The following GLG1 variants were observed in gnomAD, a reference collection of about 807,000 sequenced individuals.
The protein encoded by GLG1 is golgi glycoprotein 1, also known as Golgi apparatus protein 1.
Under a neutral mutation model 160.5 loss-of-function variants are expected in GLG1, and 38 were observed. The observed-to-expected ratio is 0.24, with a 90% CI of 0.18 to 0.31. The LOEUF (loss-of-function observed/expected upper bound fraction) is 0.31, where lower values mean the gene tolerates loss of function less well. GLG1 is among the 10% of genes least tolerant of loss of function. GLG1 has a pLI of 1.00. For missense variants in GLG1, 1,373 were observed against 1,505.2 expected (o/e 0.91, Z 1.45); for synonymous variants, 644 against 543.4 (o/e 1.19, Z -2.57).
At chr16:74,570,666 C>A (rs1315307920) in intron 1 of GLG1, among the ~76,000 whole-genome samples, 1 of 152,100 alleles carries the variant, frequency 6.6e-6, no homozygotes, top group Non-Finnish European at 1.5e-5. Flanking sequence ...GACGCCAGGG[C>A]AGGAGCATCA....
chr16:74,515,469 A>C (rs2016949018), intron 2 of GLG1, among the ~76,000 whole-genome samples: 1 of 152,212 alleles, frequency 6.6e-6, no homozygotes, highest in African/African-American at 2.4e-5. Context: ...GTGCAATCAA[A>C]GTAGAACTCA....
intron 1 of GLG1, among the ~76,000 whole-genome samples, chr16:74,583,600 G>C (rs1309255515): frequency 2.0e-5 from 3 of 152,088 alleles, no homozygotes; most frequent in African/African-American, 7.2e-5. Context: ...GGCTGGTCTT[G>C]AACTCCTGAC....
At chr16:74,574,620 C>T (rs975804647) in intron 1 of GLG1, among the ~76,000 whole-genome samples, 2 of 151,880 alleles carry the variant, frequency 1.3e-5, no homozygotes. Context: ...CAGTGGCTCA[C>T]GCCTGTAACC....
At position 74,494,771 on chromosome 16, in the gene GLG1, T is replaced by G; in HGVS notation, c.1039A>C (p.Met347Leu). ...AAAATAATACTTACCTTTTCACTCA[T>G]GGATTCTTCAAATTTATGGTTAAAG... ...CLFNHKFEES[M>L]SEKCREALTT... Residue 347 changes from methionine (M) to leucine (L), a missense_variant, in exon 6 of 26, where the codon ATG (methionine) becomes CTG (leucine). This residue lies in a region of GLG1 where 174 missense variants were observed against 229.9 expected (regional missense o/e 0.76). Coordinates refer to ENST00000422840, the MANE Select transcript of GLG1 (RefSeq NM_001145667.2). 7.1e-7 allele frequency: 1 copy of G among 1,409,832 alleles called. No individual in the cohort carries two copies. The highest frequency in any genetic ancestry group is 1.0e-6 in the Non-Finnish European group (1 of 994,338). The allele number at this position is 1,409,832 out of a possible 1,614,324, so 87.3% of individuals were successfully genotyped here.
chr16:74,473,691 C>G (rs562643202), intron 13 of GLG1, among the ~76,000 whole-genome samples: 1 of 151,932 alleles, frequency 6.6e-6, no homozygotes, highest in African/African-American at 2.4e-5. Flanking sequence ...CCGCCCGCCT[C>G]GCCTCCCAAA....
At chr16:74,580,331 TA>T (rs959837244) in intron 1 of GLG1, among the ~76,000 whole-genome samples, 2 of 149,604 alleles carry the variant, frequency 1.3e-5, no homozygotes, top group African/African-American at 2.5e-5. Flanking sequence ...CAAAAAAAAC[TA>T]AAAAAAAACC....
intron 16 of GLG1, chr16:74,469,444 T>C (rs370550221): frequency 5.2e-5 from 11 of 211,370 alleles, no homozygotes; most frequent in African/African-American, 2.3e-4. Flanking sequence ...CTGAGCAAAT[T>C]GGGAATTTGG....
intron 1 of GLG1, among the ~76,000 whole-genome samples, chr16:74,577,059 C>T (rs746771978): frequency 6.6e-6 from 1 of 152,080 alleles, no homozygotes; most frequent in African/African-American, 2.4e-5. Context: ...GCAACTAGCA[C>T]CATAGGTGCA....
intron 1 of GLG1, among the ~76,000 whole-genome samples, chr16:74,544,106 T>G (rs2017976977): frequency 6.6e-6 from 1 of 152,220 alleles, no homozygotes; most frequent in South Asian, 2.1e-4. Context: ...TGTCAATGGT[T>G]GAAAATGTAT....
intron 1 of GLG1, among the ~76,000 whole-genome samples, chr16:74,550,891 G>C (rs1406828712): frequency 6.6e-6 from 1 of 152,160 alleles, no homozygotes; most frequent in Non-Finnish European, 1.5e-5. Flanking sequence ...CAGTGGGATG[G>C]AATCTCTTAT....
intron 1 of GLG1, among the ~76,000 whole-genome samples, chr16:74,599,759 G>A (rs1011328205): frequency 2.0e-5 from 3 of 152,134 alleles, no homozygotes; most frequent in Non-Finnish European, 2.9e-5. Context: ...AGCTACTCGG[G>A]AGGCTGAGGC....
chr16:74,503,761 G>C lies in GLG1; in HGVS notation c.559-15C>G. On this transcript the variant is annotated splice_polypyrimidine_tract_variant and intron_variant, in intron 3 of 25. Coordinates refer to ENST00000422840, the MANE Select transcript of GLG1 (RefSeq NM_001145667.2). ...CATTCTTTAATCTGCTCAAAATAAAGTAGCTGTTTTACAAAAGTGTTCCAT... is the reference window on the plus strand; with the variant it reads ...CATTCTTTAATCTGCTCAAAATAAACTAGCTGTTTTACAAAAGTGTTCCAT... 6.5e-7 allele frequency: 1 copy of C among 1,544,262 alleles called. No homozygotes were observed. The highest frequency in any genetic ancestry group is 9.0e-7 in the Non-Finnish European group (1 of 1,117,112).
chr16:74,508,575 C>A (rs1437576649), intron 3 of GLG1, among the ~76,000 whole-genome samples: 1 of 152,148 alleles, frequency 6.6e-6, no homozygotes, highest in Non-Finnish European at 1.5e-5. Context: ...GAGAGTAGCA[C>A]TGATACCTCA....
At chr16:74,512,120 T>A (rs1015111113) in intron 2 of GLG1, among the ~76,000 whole-genome samples, 1 of 151,462 alleles carries the variant, frequency 6.6e-6, no homozygotes, top group Admixed American at 6.6e-5. Flanking sequence ...TCTACCCTCA[T>A]CTTCTGGCAA....
Position 74,452,504 on chromosome 16 carries a change from G to C in GLG1, c.*663C>G, listed in dbSNP as rs2014354093. ...GAAATACCCATGGCTGTGGGGCTGT[G>C]ACCAGCAGTGGCTGATTAGGGTGGA... is the stretch of plus-strand genomic sequence containing the variant. On this transcript the variant is annotated 3_prime_UTR_variant, in exon 26 of 26. Coordinates refer to ENST00000422840, the MANE Select transcript of GLG1 (RefSeq NM_001145667.2). 9.7e-7 allele frequency: 1 copy of C among 1,027,394 alleles called. No homozygotes were observed. The highest frequency in any genetic ancestry group is 1.2e-6 in the Non-Finnish European group (1 of 854,206). The allele number at this position is 1,027,394 out of a possible 1,614,324, so 63.6% of individuals were successfully genotyped here. A position where few individuals can be genotyped will look rare whatever the true frequency, so the allele number is the denominator to read the frequency against.
Position 74,485,680 on chromosome 16 carries a change from T to C in GLG1, c.1571+116A>G, listed in dbSNP as rs2015763821. 3 of 892,220 alleles carry C rather than the reference T, an allele frequency of 3.4e-6. No individual in the cohort carries two copies. In the Admixed American group the frequency reaches 7.1e-5, roughly 21 times the overall value. 55.3% of individuals were successfully genotyped at this position (892,220 alleles called of 1,614,324 possible). A position where few individuals can be genotyped will look rare whatever the true frequency, so the allele number is the denominator to read the frequency against. On this transcript the variant is annotated intron_variant, in intron 9 of 25. Coordinates refer to ENST00000422840, the MANE Select transcript of GLG1 (RefSeq NM_001145667.2). ...TAAAAGTTGGTGTATGTTCAACTTG[T>C]TCAACAAAATTTCAGTTAAGATGTC... is the stretch of plus-strand genomic sequence containing the variant.
chr16:74,600,383 T>C (rs1958413102), intron 1 of GLG1, among the ~76,000 whole-genome samples: 1 of 143,814 alleles, frequency 7.0e-6, no homozygotes, highest in African/African-American at 2.6e-5. Flanking sequence ...GGAGATAGAG[T>C]AAGACTTTCA....
chr16:74,448,101 T>C lies in GLG1; in HGVS notation c.*5066A>G, dbSNP rs1043672301. 1 of 152,196 alleles carries C rather than the reference T, an allele frequency of 6.6e-6. No homozygotes were observed. The highest frequency in any genetic ancestry group is 2.4e-5 in the African/African-American group (1 of 41,440). The allele number at this position is 152,196 out of a possible 1,614,324, so 9.4% of individuals were successfully genotyped here. On this transcript the variant is annotated 3_prime_UTR_variant, in exon 26 of 26. Transcript: ENST00000422840. The stretch of plus-strand genomic sequence containing the variant: ...CAGGTGACAAATAATCAGTCCCTGG[T>C]CCCCACAATGACCTCACCAGATGGC...
intron 1 of GLG1, among the ~76,000 whole-genome samples, chr16:74,590,239 T>G (rs1035173820): frequency 1.3e-5 from 2 of 152,026 alleles, no homozygotes; most frequent in Non-Finnish European, 2.9e-5. Context: ...GATCTCGTGA[T>G]CCGCCCACCT....
Sources: gnomAD v4.1 joint callset for allele counts (sites outside exome capture counted in the v4.1 genomes callset) on GRCh38, gnomAD v4.1.1 for gene constraint, gnomAD v4.1.1 regional missense constraint, MANE v1.5 for transcripts, NCBI Gene and HGNC (gene_info 2026-07-23, HGNC 2026-07-21) for gene names.